IQCB1: variants seen among roughly 807,000 people sequenced by gnomAD.
The protein encoded by IQCB1 is IQ calmodulin-binding motif-containing protein 1.
IQCB1 carries 56 observed loss-of-function variants against 84.4 expected under a neutral mutation model. The ratio of observed to expected loss-of-function variants is 0.66; its 90% CI spans 0.54 to 0.83. The LOEUF (loss-of-function observed/expected upper bound fraction) is 0.83, where lower values mean the gene tolerates loss of function less well. Among genes scored for constraint, IQCB1 ranks in the 40% least tolerant of loss-of-function variants. The pLI, the probability that IQCB1 is intolerant of heterozygous loss-of-function variation, is 0.00. For missense variants in IQCB1, 629 were observed against 682.1 expected, an observed-to-expected ratio of 0.92 and a Z score of 0.87; for synonymous variants, 210 against 234.8, an observed-to-expected ratio of 0.89 and a Z score of 0.96.
intron 7 of IQCB1, among the ~76,000 whole-genome samples, chr3:121,804,036 T>G (rs1324262323): frequency 6.6e-6 from 1 of 152,092 alleles, no homozygotes; most frequent in Non-Finnish European, 1.5e-5. Flanking sequence ...TTTTAATGAT[T>G]AATTTTTATT....
At chr3:121,789,013 A>G (rs1948850593) in intron 11 of IQCB1, among the ~76,000 whole-genome samples, 1 of 152,224 alleles carries the variant, frequency 6.6e-6, no homozygotes, top group Admixed American at 6.5e-5. Context: ...AAAAGAGGGA[A>G]AGGACTCTAG....
At position 121,800,697 on chromosome 3, in the gene IQCB1, T is replaced by C. The variant is rs564788608; in HGVS notation, c.588-1323A>G. Among the ~76,000 whole-genome samples, 5 of 151,810 alleles carry C rather than the reference T, an allele frequency of 3.3e-5. No homozygotes were observed. In the South Asian group the frequency reaches 8.3e-4, roughly 25 times the overall value. ...TCTTTACTCCATATCCCACCAAGAG[T>C]TTGTGCTATAATGTAATACAGTAGT... On this transcript the variant is annotated intron_variant, in intron 7 of 14. Coordinates refer to ENST00000310864, the MANE Select transcript of IQCB1 (RefSeq NM_001023570.4).
chr3:121,825,949 T>G (rs1355536692), intron 5 of IQCB1, 102 bp downstream of exon 5: 1 of 1,128,340 alleles, frequency 8.9e-7, no homozygotes, highest in Admixed American at 2.0e-5. Flanking sequence ...AATTCACTAC[T>G]TTAATTGTAC....
chr3:121,770,148 C>G lies in IQCB1; in HGVS notation c.*197G>C, dbSNP rs1135750. 0.62 allele frequency: 348,958 copies of G among 563,820 alleles called. 110,383 individuals are homozygous for G. The highest frequency in any genetic ancestry group is 0.71 in the African/African-American group (38,028 of 53,222). 34.9% of individuals were successfully genotyped at this position (563,820 alleles called of 1,614,324 possible). A position where few individuals can be genotyped will look rare whatever the true frequency, so the allele number is the denominator to read the frequency against. The stretch of plus-strand genomic sequence containing the variant: ...GCCACACAAATCTGTGTGTGGCTAA[C>G]GATGAGGATACAGAGAAAAGAAAAA... On this transcript the variant is annotated 3_prime_UTR_variant, in exon 15 of 15. Coordinates refer to ENST00000310864, the MANE Select transcript of IQCB1 (RefSeq NM_001023570.4).
intron 5 of IQCB1, among the ~76,000 whole-genome samples, chr3:121,810,544 T>C (rs943273932): frequency 6.6e-6 from 1 of 151,742 alleles, no homozygotes; most frequent in African/African-American, 2.4e-5. Context: ...ACTGAATAAG[T>C]ATATTTATAA....
intron 5 of IQCB1, among the ~76,000 whole-genome samples, chr3:121,809,945 G>GAA (rs11306812): frequency 7.7e-5 from 11 of 141,964 alleles, no homozygotes; most frequent in Non-Finnish European, 1.6e-4. Context: ...TATAACAATG[G>GAA]AAAAAAAAAA....
Position 121,781,759 on chromosome 3 carries a change from T to G in IQCB1, c.1394A>C (p.Tyr465Ser). ...RVELKKRVDD[Y>S]VRRHLGSPMS... ...GCTTCATACCAAATGTCTTCTGACA[T>G]AGTCATCCACTCGTTTCTTCAGTTC... is the stretch of plus-strand genomic sequence containing the variant. Residue 465 changes from tyrosine to serine, a missense_variant, in exon 13 of 15, where the codon TAT becomes TCT. Coordinates refer to ENST00000310864, the MANE Select transcript of IQCB1 (RefSeq NM_001023570.4). 6.2e-7 allele frequency: 1 copy of G among 1,613,474 alleles called. No individual in the cohort carries two copies. Among genetic ancestry groups the G allele is most frequent in the Non-Finnish European group, 8.5e-7 (1 of 1,179,560 alleles).
chr3:121,828,831 T>C (rs774099067), intron 3 of IQCB1, 30 bp downstream of exon 3: 2 of 1,313,456 alleles, frequency 1.5e-6, no homozygotes, highest in East Asian at 2.3e-5. Flanking sequence ...TCACTTAAAA[T>C]GCTATCTAAT....
At chr3:121,820,715 T>A (rs1008261080) in intron 5 of IQCB1, among the ~76,000 whole-genome samples, 2 of 120,066 alleles carry the variant, frequency 1.7e-5, no homozygotes, top group African/African-American at 3.3e-5. Flanking sequence ...TCATCATTAA[T>A]ATATTATATA....
At chr3:121,796,474 T>A (rs950593315) in intron 9 of IQCB1, among the ~76,000 whole-genome samples, 4 of 152,228 alleles carry the variant, frequency 2.6e-5, no homozygotes, top group African/African-American at 7.2e-5. Flanking sequence ...AATGGGCTAT[T>A]TAGAGCCATC....
At chr3:121,827,129 G>A (rs534821862) in intron 4 of IQCB1, among the ~76,000 whole-genome samples, 11 of 152,124 alleles carry the variant, frequency 7.2e-5, no homozygotes, top group South Asian at 4.2e-4. Context: ...TGGAGCTGAA[G>A]GCCATTAACC....
chr3:121,800,748 C>T (rs1291289629), intron 7 of IQCB1, among the ~76,000 whole-genome samples: 2 of 151,962 alleles, frequency 1.3e-5, no homozygotes, highest in East Asian at 1.9e-4. Context: ...TGCTCTTCAA[C>T]CTCCTAATCT....
At chr3:121,805,457 T>G (rs1418671106) in intron 7 of IQCB1, among the ~76,000 whole-genome samples, 4 of 152,194 alleles carry the variant, frequency 2.6e-5, no homozygotes, top group Non-Finnish European at 4.4e-5. Flanking sequence ...TCTAGTGAAC[T>G]TCCTACCTTT....
chr3:121,794,135 C>T (rs1197875093), intron 10 of IQCB1, among the ~76,000 whole-genome samples: 2 of 151,190 alleles, frequency 1.3e-5, no homozygotes, highest in African/African-American at 4.9e-5. Flanking sequence ...CACAGAAATG[C>T]TTTTAAAAAA....
intron 12 of IQCB1, among the ~76,000 whole-genome samples, chr3:121,782,575 A>C (rs1576545557): frequency 6.6e-6 from 1 of 152,072 alleles, no homozygotes; most frequent in East Asian, 1.9e-4. Context: ...TTCATTTTAC[A>C]TTGTTAATTT....
intron 3 of IQCB1, 110 bp downstream of exon 3, chr3:121,828,751 T>C (rs1950537499): frequency 9.9e-7 from 1 of 1,010,636 alleles, no homozygotes; most frequent in African/African-American, 1.6e-5. Flanking sequence ...ACTGTTCTAT[T>C]ATAGTGTTAA....
chr3:121,801,341 A>G (rs756220038), intron 7 of IQCB1, among the ~76,000 whole-genome samples: 23 of 152,194 alleles, frequency 1.5e-4, no homozygotes, highest in Middle Eastern at 3.4e-3. Flanking sequence ...ACATTTGTGT[A>G]TAAGTCTTTA....
In IQCB1 at chr3:121,781,754, T is replaced by A; in HGVS notation, c.1399A>T (p.Arg467Ter). The A allele has an allele frequency of 6.2e-7, 1 of 1,613,596 alleles. No homozygotes were observed. The highest frequency in any genetic ancestry group is 8.5e-7 in the Non-Finnish European group (1 of 1,179,602). Residue 467 changes from arginine (R) to a stop codon, truncating the protein, a stop_gained, in exon 13 of 15, where the codon AGA becomes TGA. Transcript: ENST00000310864. LOFTEE classifies it high-confidence loss of function. ...CAGAAGCTTCATACCAAATGTCTTC[T>A]GACATAGTCATCCACTCGTTTCTTC... The part of the protein sequence containing the change: ...ELKKRVDDYV[R>*]RHLGSPMSDV...
chr3:121,790,281 T>C (rs1948914234), intron 10 of IQCB1, 66 bp from the exon 11 acceptor site: 5 of 1,420,698 alleles, frequency 3.5e-6, no homozygotes, highest in Non-Finnish European at 4.9e-6. Flanking sequence ...ATAACCTCAC[T>C]AGTAATCAAA....
Sources: gnomAD v4.1 joint callset for allele counts (sites outside exome capture counted in the v4.1 genomes callset) on GRCh38, gnomAD v4.1.1 for gene constraint, MANE v1.5 for transcripts, NCBI Gene and HGNC (gene_info 2026-07-23, HGNC 2026-07-21) for gene names.